LPP: variants seen among roughly 807,000 people sequenced by gnomAD.
LPP encodes lipoma-preferred partner.
In LPP, 38 loss-of-function variants were observed where a neutral mutation model predicts 60.4. That is an observed-to-expected ratio of 0.63 (90% CI 0.49 to 0.83). The LOEUF (loss-of-function observed/expected upper bound fraction) is 0.83, where lower values mean the gene tolerates loss of function less well. Ranked by LOEUF, LPP falls within the 40% of genes least tolerant of loss-of-function variation. The probability of loss-of-function intolerance (pLI) is 0.00; values close to 1 mark genes in which losing one functional copy is unlikely to be tolerated. For missense variants in LPP, 902 were observed against 783.6 expected (o/e 1.15, Z -1.80); for synonymous variants, 328 against 290.8 (o/e 1.13, Z -1.30).
intron 7 of LPP, among the ~76,000 whole-genome samples, chr3:188,704,954 C>T (rs750106541): frequency 6.6e-6 from 1 of 152,058 alleles, no homozygotes; most frequent in Non-Finnish European, 1.5e-5. Context: ...TACTGAACCA[C>T]TTGTAGTTTT....
intron 8 of LPP, among the ~76,000 whole-genome samples, chr3:188,740,054 T>C (rs1451932509): frequency 6.6e-6 from 1 of 152,038 alleles, no homozygotes; most frequent in Non-Finnish European, 1.5e-5. Context: ...AAATCACCAG[T>C]AGTGTTATCC....
chr3:188,804,972 C>T (rs1385934159), intron 9 of LPP, among the ~76,000 whole-genome samples: 3 of 151,990 alleles, frequency 2.0e-5, no homozygotes, highest in African/African-American at 7.2e-5. Context: ...TTTTGTTCTA[C>T]AGCTGGTTCA....
chr3:188,307,978 C>T (rs1046672789), intron 2 of LPP, among the ~76,000 whole-genome samples: 5 of 152,008 alleles, frequency 3.3e-5, no homozygotes, highest in South Asian at 2.1e-4. Flanking sequence ...ATTTCGGGAA[C>T]GGGTAACACA....
At chr3:188,580,406 C>T (rs993959051) in intron 6 of LPP, among the ~76,000 whole-genome samples, 10 of 152,214 alleles carry the variant, frequency 6.6e-5, no homozygotes, top group Admixed American at 3.9e-4. Context: ...ATTGTCTATA[C>T]GAGTATTAAG....
chr3:188,228,017 G>A (rs983641515), intron 2 of LPP, among the ~76,000 whole-genome samples: 1 of 152,206 alleles, frequency 6.6e-6, no homozygotes, highest in Non-Finnish European at 1.5e-5. Flanking sequence ...TGGAAGCTCC[G>A]TGGGCAACCA....
intron 7 of LPP, 34 bp from the exon 8 acceptor site, chr3:188,708,233 G>A (rs189024620): frequency 1.2e-6 from 2 of 1,610,616 alleles, no homozygotes; most frequent in East Asian, 2.2e-5. Context: ...GGTCTAGGTG[G>A]CAATTAAAGG....
chr3:188,250,764 T>TCTG (rs1728966240), intron 2 of LPP, among the ~76,000 whole-genome samples: 1 of 115,688 alleles, frequency 8.6e-6, no homozygotes, highest in African/African-American at 4.1e-5. Flanking sequence ...CTTTCTTTCT[T>TCTG]TCTTTCTTTC....
At chr3:188,400,831 T>G (rs1415947502) in intron 3 of LPP, among the ~76,000 whole-genome samples, 1 of 152,112 alleles carries the variant, frequency 6.6e-6, no homozygotes, top group Non-Finnish European at 1.5e-5. Context: ...GTGTAAATCT[T>G]GGTCCAGCAA....
At position 188,890,662 on chromosome 3, in the gene LPP, A is replaced by T. The variant is rs968821570; in HGVS notation, c.*16183A>T. On this transcript the variant is annotated 3_prime_UTR_variant, in exon 12 of 12. Transcript: ENST00000617246. The stretch of plus-strand genomic sequence containing the variant: ...TATTTAGAAATCCAATAAACTTCTT[A>T]TTACATTTACTTGCCTATGTGTGGA... The T allele has an allele frequency of 5.9e-6, 1 of 168,590 alleles. No homozygotes were observed. The allele number at this position is 168,590 out of a possible 1,614,324, so 10.4% of individuals were successfully genotyped here. A position where few individuals can be genotyped will look rare whatever the true frequency, so the allele number is the denominator to read the frequency against.
At chr3:188,469,156 A>G (rs1275797070) in intron 4 of LPP, among the ~76,000 whole-genome samples, 14 of 152,082 alleles carry the variant, frequency 9.2e-5, no homozygotes, top group Non-Finnish European at 1.9e-4. Flanking sequence ...TAATTCAAAA[A>G]CCGTTAAGTT....
chr3:188,770,306 G>A (rs2150666478), intron 9 of LPP, among the ~76,000 whole-genome samples: 1 of 148,920 alleles, frequency 6.7e-6, no homozygotes, highest in African/African-American at 2.5e-5. Flanking sequence ...AGCCTCCCGA[G>A]TAGTTGGGAC....
intron 6 of LPP, among the ~76,000 whole-genome samples, chr3:188,606,897 A>G (rs1284380641): frequency 1.3e-5 from 2 of 152,062 alleles, no homozygotes; most frequent in African/African-American, 4.8e-5. Context: ...ACACTTTACA[A>G]ACCCAACTAT....
chr3:188,651,606 G>A (rs1459738380), intron 7 of LPP, among the ~76,000 whole-genome samples: 3 of 152,190 alleles, frequency 2.0e-5, no homozygotes, highest in Admixed American at 2.0e-4. Flanking sequence ...ACATGGCTGG[G>A]GAGGTCTCAC....
chr3:188,227,161 T>A (rs79807830), intron 2 of LPP, among the ~76,000 whole-genome samples: 6,073 of 151,112 alleles, frequency 0.04, 409 homozygotes, highest in African/African-American at 0.14. Context: ...AGACTTTTAT[T>A]TATTTATTTT....
intron 6 of LPP, among the ~76,000 whole-genome samples, chr3:188,583,208 A>T (rs1487653716): frequency 6.6e-6 from 1 of 152,226 alleles, no homozygotes; most frequent in South Asian, 2.1e-4. Flanking sequence ...AAATAGGAAC[A>T]GTAATTGAAC....
At chr3:188,188,502 G>A (rs1727237575) in intron 1 of LPP, among the ~76,000 whole-genome samples, 1 of 151,782 alleles carries the variant, frequency 6.6e-6, no homozygotes, top group Admixed American at 6.6e-5. Context: ...TTGGCGAAGT[G>A]TTATTCAGCA....
chr3:188,304,488 C>T (rs921078078), intron 2 of LPP, among the ~76,000 whole-genome samples: 3 of 152,122 alleles, frequency 2.0e-5, no homozygotes, highest in African/African-American at 7.2e-5. Context: ...AATAAAGTTC[C>T]TAATTTACAT....
In LPP at chr3:188,609,073, T is replaced by C; in HGVS notation, c.430-88T>C. The C allele has an allele frequency of 1.1e-6, 1 of 943,984 alleles. No individual in the cohort carries two copies. The allele number at this position is 943,984 out of a possible 1,614,324, so 58.5% of individuals were successfully genotyped here. A position where few individuals can be genotyped will look rare whatever the true frequency, so the allele number is the denominator to read the frequency against. On this transcript the variant is annotated intron_variant, in intron 6 of 11. Coordinates refer to ENST00000617246, the MANE Select transcript of LPP (RefSeq NM_001375462.1). The surrounding 1 kb of genome is among the most constrained non-coding windows in gnomAD (Gnocchi z 6.9). The stretch of plus-strand genomic sequence containing the variant: ...AGTAATAAATAATAATTAGCAGTTA[T>C]TAATATTTTTCATTTATTCATTTTT...
rs1440212580 is a variant in LPP, at chr3:188,609,349, C to T, written c.618C>T (p.Val206=). 1.2e-6 allele frequency: 2 copies of T among 1,613,998 alleles called. No individual in the cohort carries two copies. The highest frequency in any genetic ancestry group is 2.7e-5 in the African/African-American group (2 of 74,906). The change falls in exon 7 of 12, where the codon GTC becomes GTT. Residue 206 remains valine (V), a synonymous_variant. Transcript: ENST00000617246. The surrounding 1 kb of genome is among the most constrained non-coding windows in gnomAD (Gnocchi z 6.9). The part of the protein sequence containing the change: ...IGTLKPQPQP[V]PASYTTASTS... The stretch of plus-strand genomic sequence containing the variant: ...CACTCAAACCCCAGCCTCAGCCAGT[C>T]CCAGCCTCCTACACCACGGCCTCCA...
Sources: allele counts gnomAD v4.1 joint callset (sites outside exome capture counted in the v4.1 genomes callset), GRCh38; gene constraint gnomAD v4.1.1; non-coding constraint Gnocchi (gnomAD v3.1); transcripts MANE v1.5; gene names NCBI Gene and HGNC (gene_info 2026-07-23, HGNC 2026-07-21).